The following LRRC37A2 variants were observed in gnomAD, a reference collection of about 807,000 sequenced individuals.
The protein encoded by LRRC37A2 is leucine-rich repeat-containing protein 37A2.
LRRC37A2 carries 9 observed loss-of-function variants against 68.8 expected under a neutral mutation model. The ratio of observed to expected loss-of-function variants is 0.13; its 90% CI spans 0.08 to 0.23. LRRC37A2 has a LOEUF of 0.23. Among genes scored for constraint, LRRC37A2 ranks in the 10% least tolerant of loss-of-function variants. The probability of loss-of-function intolerance (pLI) is 1.00; values close to 1 mark genes in which losing one functional copy is unlikely to be tolerated. For synonymous variants in LRRC37A2, 63 were observed against 367.6 expected (o/e 0.17, Z 9.48); for missense variants, 168 against 950.4 (o/e 0.18, Z 10.82).
At chr17:47,035,730 C>A in the LRRC37A2 span, among the ~76,000 whole-genome samples, 1 of 152,196 alleles carries the variant, frequency 6.6e-6, no homozygotes, top group African/African-American at 2.4e-5. Context: ...TTTTGAGGAC[C>A]TGTCAGGCTG....
the LRRC37A2 span, among the ~76,000 whole-genome samples, chr17:46,737,519 G>T: frequency 6.6e-6 from 1 of 151,920 alleles, no homozygotes; most frequent in Non-Finnish European, 1.5e-5. Context: ...AAGGGTGGCT[G>T]CACTCACCCA....
At chr17:46,485,935 G>A in the LRRC37A2 span, among the ~76,000 whole-genome samples, 2 of 80,336 alleles carry the variant, frequency 2.5e-5, no homozygotes, top group African/African-American at 4.4e-5. Flanking sequence ...CCGAGATCGC[G>A]CCACTGCACT....
chr17:46,891,004 G>C, the LRRC37A2 span, among the ~76,000 whole-genome samples: 1 of 152,180 alleles, frequency 6.6e-6, no homozygotes, highest in Non-Finnish European at 1.5e-5. Flanking sequence ...ACAGCGAAAT[G>C]AAAAGCCCTT....
At chr17:46,497,594 A>G in the LRRC37A2 span, among the ~76,000 whole-genome samples, 3 of 150,262 alleles carry the variant, frequency 2.0e-5, no homozygotes, top group African/African-American at 7.5e-5. Context: ...ATAATTGTAT[A>G]TATGTGTGTG....
chr17:46,875,096 T>A, the LRRC37A2 span: 1 of 1,613,516 alleles, frequency 6.2e-7, no homozygotes, highest in South Asian at 1.1e-5. Context: ...GGGTGCCCGA[T>A]CCAGGCTTCA....
the LRRC37A2 span, among the ~76,000 whole-genome samples, chr17:46,840,636 T>C: frequency 6.6e-6 from 1 of 152,366 alleles, no homozygotes; most frequent in East Asian, 1.9e-4. Context: ...AAAGTGTTCC[T>C]GTTTCTCCAC....
the LRRC37A2 span, among the ~76,000 whole-genome samples, chr17:46,943,985 G>A: frequency 2.0e-5 from 3 of 152,158 alleles, no homozygotes; most frequent in Admixed American, 6.5e-5. Flanking sequence ...GGGGGCTCTC[G>A]GAGGCTGACT....
the LRRC37A2 span, chr17:46,933,197 G>GT: frequency 6.6e-6 from 1 of 152,200 alleles, no homozygotes; most frequent in Non-Finnish European, 1.5e-5. Flanking sequence ...GGATTATTTT[G>GT]TTTTTTGCCA....
the LRRC37A2 span, among the ~76,000 whole-genome samples, chr17:46,495,708 A>G: frequency 4.3e-3 from 646 of 149,096 alleles, 6 homozygotes; most frequent in African/African-American, 0.015. Context: ...TTAAAAACAT[A>G]TCTTAGAATT....
At chr17:47,018,298 C>T in the LRRC37A2 span, 19 of 1,611,426 alleles carry the variant, frequency 1.2e-5, no homozygotes, top group Non-Finnish European at 1.5e-5. Context: ...CCTTCTGAGT[C>T]TTCTGGGGAG....
chr17:46,924,459 A>G, the LRRC37A2 span: 2 of 152,050 alleles, frequency 1.3e-5, no homozygotes, highest in Non-Finnish European at 2.9e-5. Context: ...TCTCTTCTCA[A>G]TTTTTTGAGG....
chr17:46,857,869 T>C, the LRRC37A2 span, among the ~76,000 whole-genome samples: 134 of 152,348 alleles, frequency 8.8e-4, no homozygotes, highest in Middle Eastern at 0.017. Context: ...TTGAATATCA[T>C]TTCATTGGGT....
the LRRC37A2 span, among the ~76,000 whole-genome samples, chr17:46,754,119 G>A: frequency 2.0e-5 from 3 of 146,448 alleles, no homozygotes; most frequent in East Asian, 6.1e-4. Context: ...AGAACTGCAA[G>A]TACCAACTAC....
At chr17:47,019,000 C>T in the LRRC37A2 span, 69 of 1,497,540 alleles carry the variant, frequency 4.6e-5, no homozygotes, top group African/African-American at 5.5e-4. Context: ...CATCCAGTGT[C>T]ACCCAGCGTT....
the LRRC37A2 span, among the ~76,000 whole-genome samples, chr17:46,720,726 A>G: frequency 4.6e-5 from 7 of 152,322 alleles, no homozygotes; most frequent in Admixed American, 3.3e-4. Flanking sequence ...TCCTACAGTC[A>G]TCAGATTTCT....
chr17:46,947,064 TG>T, the LRRC37A2 span, among the ~76,000 whole-genome samples: 1 of 150,812 alleles, frequency 6.6e-6, no homozygotes, highest in Non-Finnish European at 1.5e-5. Context: ...GGGTTTGGAG[TG>T]GATTGTGGAA....
At chr17:46,443,805 T>TTTA in the LRRC37A2 span, among the ~76,000 whole-genome samples, 250 of 22,106 alleles carry the variant, frequency 0.011, 27 homozygotes, top group Middle Eastern at 0.05. Flanking sequence ...TACATTTCTT[T>TTTA]TTATTATTAT....
chr17:46,610,041 C>CTCTCTTTCTTTCTT, the LRRC37A2 span, among the ~76,000 whole-genome samples: 100 of 118,706 alleles, frequency 8.4e-4, 4 homozygotes, highest in African/African-American at 2.3e-3. Context: ...CTCTCTCTCT[C>CTCTCTTTCTTTCTT]TCTTTCTTTC....
the LRRC37A2 span, among the ~76,000 whole-genome samples, chr17:46,914,808 A>G: frequency 6.6e-6 from 1 of 152,094 alleles, no homozygotes. Flanking sequence ...CTGCCTTTCC[A>G]TACATCCTTG....
Sources: gnomAD v4.1 joint callset for allele counts (sites outside exome capture counted in the v4.1 genomes callset) on GRCh38, gnomAD v4.1.1 for gene constraint, MANE v1.5 for transcripts, NCBI Gene and HGNC (gene_info 2026-07-23, HGNC 2026-07-21) for gene names.